MREG: variants seen among roughly 807,000 people sequenced by gnomAD.
MREG encodes melanoregulin.
MREG carries 31 observed loss-of-function variants against 28.5 expected under a neutral mutation model. That is an observed-to-expected ratio of 1.09 (90% CI 0.82 to 1.47). MREG has a LOEUF of 1.47. Ranked by LOEUF, MREG falls within the 40% of genes most tolerant of loss-of-function variation. The pLI, the probability that MREG is intolerant of heterozygous loss-of-function variation, is 0.00. For synonymous variants in MREG, 106 were observed against 95.2 expected, an observed-to-expected ratio of 1.11 and a Z score of -0.66; for missense variants, 256 against 257.4, an observed-to-expected ratio of 0.99 and a Z score of 0.04.
At chr2:215,976,346 C>A (rs1414921760) in intron 2 of MREG, among the ~76,000 whole-genome samples, 1 of 152,180 alleles carries the variant, frequency 6.6e-6, no homozygotes, top group African/African-American at 2.4e-5. Flanking sequence ...CTCTTAGCCC[C>A]ATATTCACAC....
Position 215,943,214 on chromosome 2 carries a change from C to A in MREG, c.*1649G>T. ...TTTTTCTCAGCAATCTATGGATTAA[C>A]CTTACAAATCCTTAAAGTCTTTTCA... On this transcript the variant is annotated 3_prime_UTR_variant, in exon 5 of 5. Coordinates refer to ENST00000263268, the MANE Select transcript of MREG (RefSeq NM_018000.3). The A allele has an allele frequency of 3.5e-6, 1 of 286,616 alleles. No homozygotes were observed. 17.8% of individuals were successfully genotyped at this position (286,616 alleles called of 1,614,324 possible).
intron 2 of MREG, among the ~76,000 whole-genome samples, chr2:215,995,695 A>G (rs1269166462): frequency 6.6e-6 from 1 of 152,126 alleles, no homozygotes. Flanking sequence ...AAAAAGTATG[A>G]TTGTCTTTGC....
intron 2 of MREG, among the ~76,000 whole-genome samples, chr2:215,949,087 C>CTACTAATAA (rs869228880): frequency 1.7e-3 from 209 of 124,578 alleles, no homozygotes; most frequent in African/African-American, 2.0e-3. Flanking sequence ...ACTACTACTA[C>CTACTAATAA]TAATAATAAT....
upstream of MREG, among the ~76,000 whole-genome samples, chr2:216,017,018 A>C (rs1476653878): frequency 6.6e-6 from 1 of 152,190 alleles, no homozygotes. Flanking sequence ...ACTATCCACA[A>C]CCTAATCCCC....
At chr2:216,014,545 A>G (rs984304351), upstream of MREG, among the ~76,000 whole-genome samples, 2 of 151,860 alleles carry the variant, frequency 1.3e-5, no homozygotes, top group Admixed American at 1.3e-4. Context: ...TCTACTCAAG[A>G]GGCTGAGGCA....
intron 1 of MREG, among the ~76,000 whole-genome samples, chr2:216,002,442 CCT>C (rs1233945293): frequency 1.3e-5 from 2 of 152,204 alleles, no homozygotes; most frequent in Admixed American, 1.3e-4. Context: ...CACAGGCTGG[CCT>C]CTGACACCGG....
chr2:216,029,935 C>T (rs1240748219), intron 1 of MREG, among the ~76,000 whole-genome samples: 1 of 152,184 alleles, frequency 6.6e-6, no homozygotes, highest in Non-Finnish European at 1.5e-5. Flanking sequence ...TCTCTTATGG[C>T]CTGTGGTCGG....
chr2:216,010,446 C>T (rs2106033325), intron 1 of MREG, among the ~76,000 whole-genome samples: 1 of 144,126 alleles, frequency 6.9e-6, no homozygotes, highest in South Asian at 2.3e-4. Flanking sequence ...CAAGCTCCGC[C>T]TCCCGGGTTC....
At position 215,942,787 on chromosome 2, in the gene MREG, A is replaced by C. The variant is rs1168102942; in HGVS notation, c.*2076T>G. ...AATACAAATTCTGAGACCGAGAGTAAAACAATACGACATCCTTAGGTTTAT... is the reference window on the plus strand; with the variant it reads ...AATACAAATTCTGAGACCGAGAGTACAACAATACGACATCCTTAGGTTTAT... On this transcript the variant is annotated 3_prime_UTR_variant, in exon 5 of 5. Coordinates refer to ENST00000263268, the MANE Select transcript of MREG (RefSeq NM_018000.3). 1 of 152,668 alleles carries C rather than the reference A, an allele frequency of 6.6e-6. No individual in the cohort carries two copies. 9.5% of individuals were successfully genotyped at this position (152,668 alleles called of 1,614,324 possible).
chr2:215,989,561 C>T (rs7557734), intron 2 of MREG, among the ~76,000 whole-genome samples: 36,909 of 151,674 alleles, frequency 0.24, 4,673 homozygotes, highest in African/African-American at 0.31. Flanking sequence ...AATTGACAGA[C>T]GTAGACCTCA....
chr2:215,999,786 TG>T (rs1432684017), intron 1 of MREG, among the ~76,000 whole-genome samples: 1 of 152,000 alleles, frequency 6.6e-6, no homozygotes, highest in Non-Finnish European at 1.5e-5. Context: ...CTGTAACACA[TG>T]GGGCAGAAGC....
intron 2 of MREG, among the ~76,000 whole-genome samples, chr2:215,981,358 T>C (rs1183873409): frequency 6.6e-6 from 1 of 152,174 alleles, no homozygotes; most frequent in Non-Finnish European, 1.5e-5. Flanking sequence ...GCTGCTGCAG[T>C]GTGAATGAAC....
Position 215,996,384 on chromosome 2 carries a change from C to A in MREG, c.177G>T (p.Val59=). ...EKNLWSMPHD[V]SHTEADDDRT... The stretch of plus-strand genomic sequence containing the variant: ...TGTCGTCGTCTGCCTCTGTGTGGGA[C>A]ACATCATGGGGCATACTCCATAAAT... Residue 59 remains valine, a synonymous_variant, in exon 2 of 5, where the codon GTG becomes GTT. Transcript: ENST00000263268. The A allele has an allele frequency of 6.2e-7, 1 of 1,613,956 alleles. No homozygotes were observed. Among genetic ancestry groups the A allele is most frequent in the Non-Finnish European group, 8.5e-7 (1 of 1,179,846 alleles).
intron 1 of MREG, among the ~76,000 whole-genome samples, chr2:216,011,317 T>A (rs1249522580): frequency 6.6e-6 from 1 of 152,190 alleles, no homozygotes; most frequent in Admixed American, 6.5e-5. Flanking sequence ...AATATTGTTA[T>A]ATGGAAATGG....
At chr2:216,026,790 G>A (rs1358292462) in intron 1 of MREG, among the ~76,000 whole-genome samples, 1 of 152,084 alleles carries the variant, frequency 6.6e-6, no homozygotes, top group African/African-American at 2.4e-5. Flanking sequence ...GAAAATTAAT[G>A]CTCTACTGTA....
chr2:216,032,968 G>A (rs538293288), upstream of MREG: 6 of 152,166 alleles, frequency 3.9e-5, no homozygotes, highest in South Asian at 4.2e-4. Context: ...CTGCTCAGAC[G>A]GGCTGGTGTT....
intron 1 of MREG, among the ~76,000 whole-genome samples, chr2:216,003,180 C>T (rs1295331335): frequency 2.0e-5 from 3 of 152,136 alleles, no homozygotes; most frequent in African/African-American, 7.2e-5. Context: ...GCGCTTTCCT[C>T]AGCACTCGCC....
intron 1 of MREG, among the ~76,000 whole-genome samples, chr2:216,019,507 C>CTTT (rs373116320): frequency 7.1e-6 from 1 of 141,192 alleles, no homozygotes; most frequent in African/African-American, 2.6e-5. Context: ...ATTTTCAAAC[C>CTTT]TTTTTTTTTT....
intron 2 of MREG, among the ~76,000 whole-genome samples, chr2:215,982,966 A>C (rs1693470221): frequency 6.6e-6 from 1 of 152,200 alleles, no homozygotes; most frequent in Non-Finnish European, 1.5e-5. Context: ...AGAACCCTTG[A>C]TTCTCAGATC....
Sources: gnomAD v4.1 joint callset for allele counts (sites outside exome capture counted in the v4.1 genomes callset) on GRCh38, gnomAD v4.1.1 for gene constraint, MANE v1.5 for transcripts, NCBI Gene and HGNC (gene_info 2026-07-23, HGNC 2026-07-21) for gene names.